Variants in CFAP70 observed in about 807,000 individuals in gnomAD.
The protein encoded by CFAP70 is cilia- and flagella-associated protein 70.
CFAP70 carries 81 observed loss-of-function variants against 137.6 expected under a neutral mutation model. That is an observed-to-expected ratio of 0.59 (90% CI 0.49 to 0.71). CFAP70 has a LOEUF of 0.71. Among genes scored for constraint, CFAP70 ranks in the 30% least tolerant of loss-of-function variants. The pLI is 0.00. For missense variants in CFAP70, 976 were observed against 1,226.7 expected (o/e 0.80, Z 3.05); for synonymous variants, 382 against 423.6 (o/e 0.90, Z 1.20).
intron 11 of CFAP70, 32 bp from the exon 13 acceptor site, chr10:73,310,281 G>A: frequency 6.7e-7 from 1 of 1,489,760 alleles, no homozygotes; most frequent in Admixed American, 2.0e-5. Flanking sequence ...ATTATTTCCA[G>A]AAAAAAATAT....
intron 25 of CFAP70, 48 bp from the exon 27 acceptor site, chr10:73,256,464 T>C (rs931562450): frequency 2.5e-6 from 4 of 1,609,726 alleles, no homozygotes; most frequent in East Asian, 4.5e-5. Context: ...ATAAACATTA[T>C]GGTAAGGAAA....
At chr10:73,321,573 T>C (rs1006369038) in intron 9 of CFAP70, among the ~76,000 whole-genome samples, 11 of 152,140 alleles carry the variant, frequency 7.2e-5, no homozygotes, top group Non-Finnish European at 1.3e-4. Flanking sequence ...GACATAATAA[T>C]AGATTTTTGT....
At chr10:73,316,570 G>A (rs987537674) in intron 9 of CFAP70, among the ~76,000 whole-genome samples, 1 of 147,422 alleles carries the variant, frequency 6.8e-6, no homozygotes, top group Non-Finnish European at 1.5e-5. Flanking sequence ...ACACATATAT[G>A]TGCATATGTG....
At chr10:73,324,657 G>C (rs1399685147) in intron 8 of CFAP70, among the ~76,000 whole-genome samples, 1 of 152,206 alleles carries the variant, frequency 6.6e-6, no homozygotes, top group African/African-American at 2.4e-5. Context: ...TGATGGAGCT[G>C]AAAGCCAAGG....
At chr10:73,274,647 C>G (rs899495342) in intron 22 of CFAP70, 53 bp from the exon 24 acceptor site, 1 of 1,437,750 alleles carries the variant, frequency 7.0e-7, no homozygotes, top group African/African-American at 1.5e-5. Flanking sequence ...TTTAAAAGTA[C>G]CTTGATGATC....
chr10:73,320,110 G>GGTTT, intron 9 of CFAP70, among the ~76,000 whole-genome samples: 1 of 152,040 alleles, frequency 6.6e-6, no homozygotes, highest in South Asian at 2.1e-4. Flanking sequence ...TGTTTATGAA[G>GGTTT]GTTTATTTTA....
At chr10:73,327,818 A>G (rs1211204946) in intron 8 of CFAP70, among the ~76,000 whole-genome samples, 2 of 152,276 alleles carry the variant, frequency 1.3e-5, no homozygotes, top group East Asian at 3.9e-4. Context: ...ACTACAAACC[A>G]CTGCTCAACA....
chr10:73,284,201 G>A (rs2047469546), intron 19 of CFAP70, among the ~76,000 whole-genome samples: 1 of 152,136 alleles, frequency 6.6e-6, no homozygotes, highest in African/African-American at 2.4e-5. Context: ...ACCTTGGTTT[G>A]TAGCCCCTTT....
chr10:73,343,461 C>A (rs1183556339), intron 5 of CFAP70, among the ~76,000 whole-genome samples: 1 of 152,166 alleles, frequency 6.6e-6, no homozygotes, highest in Non-Finnish European at 1.5e-5. Flanking sequence ...GTAATCCCAG[C>A]ACTTTGGGAG....
chr10:73,305,204 G>A (rs547089838), intron 12 of CFAP70, among the ~76,000 whole-genome samples: 6 of 152,236 alleles, frequency 3.9e-5, no homozygotes, highest in East Asian at 3.9e-4. Context: ...AACTCAGTGC[G>A]GAAAAGCACT....
intron 25 of CFAP70, among the ~76,000 whole-genome samples, chr10:73,256,838 GGT>G: frequency 6.7e-6 from 1 of 149,622 alleles, no homozygotes; most frequent in African/African-American, 2.5e-5. Context: ...AGGAGGCAGA[GGT>G]TGCAGTGAGC....
chr10:73,319,688 C>T (rs2132174346), intron 9 of CFAP70, among the ~76,000 whole-genome samples: 1 of 152,308 alleles, frequency 6.6e-6, no homozygotes, highest in Middle Eastern at 3.4e-3. Flanking sequence ...TCTATCACTG[C>T]AAACCTTGGT....
At chr10:73,289,487 T>C (rs1320725618) in intron 19 of CFAP70, among the ~76,000 whole-genome samples, 1 of 151,806 alleles carries the variant, frequency 6.6e-6, no homozygotes, top group Non-Finnish European at 1.5e-5. Context: ...GGTTTCACCA[T>C]GTTAGCCAGG....
At chr10:73,306,099 C>T (rs747663835) in intron 12 of CFAP70, among the ~76,000 whole-genome samples, 16 of 151,846 alleles carry the variant, frequency 1.1e-4, no homozygotes, top group Admixed American at 5.9e-4. Flanking sequence ...AAGAAAGAAT[C>T]GGCAAAACTG....
intron 1 of CFAP70, among the ~76,000 whole-genome samples, chr10:73,355,307 C>T (rs1260882876): frequency 6.6e-6 from 1 of 152,218 alleles, no homozygotes; most frequent in Non-Finnish European, 1.5e-5. Flanking sequence ...TATATTCTCA[C>T]AGGAGTGCGA....
intron 5 of CFAP70, among the ~76,000 whole-genome samples, chr10:73,342,147 T>C (rs2053305406): frequency 6.6e-6 from 1 of 152,202 alleles, no homozygotes; most frequent in Non-Finnish European, 1.5e-5. Context: ...TGGTAAAATA[T>C]ATAAGTAGGC....
At chr10:73,256,609 A>T (rs999591201) in intron 25 of CFAP70, among the ~76,000 whole-genome samples, 193 bp from the exon 27 acceptor site, 3 of 151,922 alleles carry the variant, frequency 2.0e-5, no homozygotes, top group Non-Finnish European at 2.9e-5. Flanking sequence ...TTTTTTTTTA[A>T]AAAATTCCTC....
At chr10:73,312,641 G>T in exon 10 of CFAP70, 1 of 1,535,600 alleles carries the variant, frequency 6.5e-7, no homozygotes, top group South Asian at 1.3e-5. Context: ...ATAAACATTT[G>T]GTCTGAAAAA....
intron 8 of CFAP70, among the ~76,000 whole-genome samples, chr10:73,327,500 G>T (rs1483773105): frequency 1.3e-5 from 2 of 151,812 alleles, no homozygotes; most frequent in Non-Finnish European, 2.9e-5. Flanking sequence ...CAATTAGGCA[G>T]GAGAAGGAAA....
Sources: allele counts gnomAD v4.1 joint callset (sites outside exome capture counted in the v4.1 genomes callset), GRCh38; gene constraint gnomAD v4.1.1; transcripts MANE v1.5; gene names NCBI Gene and HGNC (gene_info 2026-07-23, HGNC 2026-07-21).